SMAP1: variants seen among roughly 807,000 people sequenced by gnomAD.
SMAP1 encodes stromal membrane-associated protein 1.
In SMAP1, 24 loss-of-function variants were observed where a neutral mutation model predicts 58.5. The ratio of observed to expected loss-of-function variants is 0.41; its 90% CI spans 0.30 to 0.58. The LOEUF (loss-of-function observed/expected upper bound fraction) is 0.58, where lower values mean the gene tolerates loss of function less well. Among genes scored for constraint, SMAP1 ranks in the 20% least tolerant of loss-of-function variants. The pLI is 0.29. For synonymous variants in SMAP1, 216 were observed against 196.6 expected (o/e 1.10, Z -0.82); for missense variants, 563 against 566.3 (o/e 0.99, Z 0.06).
intron 3 of SMAP1, among the ~76,000 whole-genome samples, chr6:70,765,880 A>T (rs1257307748): frequency 5.3e-5 from 8 of 151,098 alleles, no homozygotes; most frequent in African/African-American, 1.5e-4. Flanking sequence ...TATCTCCTAA[A>T]GCTATCCCTC....
chr6:70,798,562 C>T, intron 5 of SMAP1, 95 bp from the exon 6 acceptor site: 3 of 893,794 alleles, frequency 3.4e-6, no homozygotes, highest in Non-Finnish European at 5.0e-6. Context: ...AATATTTCTA[C>T]CTTTTTCAGA....
chr6:70,793,792 G>A (rs1263008234), intron 5 of SMAP1, among the ~76,000 whole-genome samples: 3 of 151,928 alleles, frequency 2.0e-5, no homozygotes, highest in African/African-American at 7.3e-5. Context: ...CGCGATCTCG[G>A]CTTATTGCAA....
chr6:70,739,976 T>G (rs1281106514), intron 2 of SMAP1, among the ~76,000 whole-genome samples: 1 of 152,160 alleles, frequency 6.6e-6, no homozygotes, highest in African/African-American at 2.4e-5. Flanking sequence ...TCCATGTCTT[T>G]AATTTTATAT....
At chr6:70,814,569 T>TTA (rs1457845846) in intron 6 of SMAP1, among the ~76,000 whole-genome samples, 2 of 152,138 alleles carry the variant, frequency 1.3e-5, no homozygotes, top group Admixed American at 1.3e-4. Flanking sequence ...GTGCTGTGTT[T>TTA]TACATCCTAT....
Position 70,861,793 on chromosome 6 carries a change from G to A in SMAP1, c.*1459G>A. On this transcript the variant is annotated 3_prime_UTR_variant, in exon 11 of 11. Coordinates refer to ENST00000370455, the MANE Select transcript of SMAP1 (RefSeq NM_001044305.3). ...GCTTGGGTAGCGCACTCTTCATGGTGACACTCGAGGTCGGGCAGCACAAGT... is the reference window on the plus strand; with the variant it reads ...GCTTGGGTAGCGCACTCTTCATGGTAACACTCGAGGTCGGGCAGCACAAGT... 2 of 1,613,978 alleles carry A rather than the reference G, an allele frequency of 1.2e-6. No individual in the cohort carries two copies. The highest frequency in any genetic ancestry group is 1.7e-6 in the Non-Finnish European group (2 of 1,179,920).
intron 4 of SMAP1, among the ~76,000 whole-genome samples, chr6:70,774,724 A>T (rs1767475078): frequency 6.6e-6 from 1 of 151,642 alleles, no homozygotes; most frequent in African/African-American, 2.4e-5. Flanking sequence ...TCTTTTTATT[A>T]AAAAAAATTT....
chr6:70,723,033 C>T (rs953078293), intron 1 of SMAP1, among the ~76,000 whole-genome samples: 4 of 152,188 alleles, frequency 2.6e-5, no homozygotes, highest in South Asian at 2.1e-4. Flanking sequence ...GGGCAGCAAC[C>T]GCTTAAAAAC....
chr6:70,718,472 A>C (rs1176177946), intron 1 of SMAP1, among the ~76,000 whole-genome samples: 3 of 152,184 alleles, frequency 2.0e-5, no homozygotes, highest in Non-Finnish European at 4.4e-5. Context: ...CTGAAAGGAA[A>C]AATGAATTCC....
chr6:70,779,649 A>G (rs1051638873), intron 4 of SMAP1, among the ~76,000 whole-genome samples: 8 of 151,990 alleles, frequency 5.3e-5, no homozygotes, highest in Non-Finnish European at 8.8e-5. Context: ...TGATGCTGCC[A>G]TTTCGAGTTT....
intron 6 of SMAP1, among the ~76,000 whole-genome samples, chr6:70,830,974 G>A (rs1428753355): frequency 6.6e-6 from 1 of 152,176 alleles, no homozygotes; most frequent in African/African-American, 2.4e-5. Context: ...TACAGATACT[G>A]TAATGAGGGA....
chr6:70,748,502 A>T (rs1001945746), intron 2 of SMAP1, among the ~76,000 whole-genome samples: 4 of 152,118 alleles, frequency 2.6e-5, no homozygotes, highest in Admixed American at 2.0e-4. Flanking sequence ...CTTTGAATGT[A>T]TTTTGAGTGT....
Position 70,860,679 on chromosome 6 carries a change from C to T in SMAP1, c.*345C>T, listed in dbSNP as rs1046101851. ...GAAGTAGTTATCATGTTAGTAATAC[C>T]TCTAATAGTATAAACCCCACCCCAA... On this transcript the variant is annotated 3_prime_UTR_variant, in exon 11 of 11. Coordinates refer to ENST00000370455, the MANE Select transcript of SMAP1 (RefSeq NM_001044305.3). 26 of 410,348 alleles carry T rather than the reference C, an allele frequency of 6.3e-5. No individual in the cohort carries two copies. Among genetic ancestry groups the T allele is most frequent in the Non-Finnish European group, 1.0e-4 (24 of 232,766 alleles). The allele number at this position is 410,348 out of a possible 1,614,324, so 25.4% of individuals were successfully genotyped here. A position where few individuals can be genotyped will look rare whatever the true frequency, so the allele number is the denominator to read the frequency against.
chr6:70,787,555 C>CA, intron 4 of SMAP1, among the ~76,000 whole-genome samples: 1 of 152,076 alleles, frequency 6.6e-6, no homozygotes, highest in Non-Finnish European at 1.5e-5. Context: ...ACTCATCTGA[C>CA]AAAGGGCTAA....
At chr6:70,771,979 C>T (rs1336779873) in intron 3 of SMAP1, among the ~76,000 whole-genome samples, 1 of 152,196 alleles carries the variant, frequency 6.6e-6, no homozygotes, top group Non-Finnish European at 1.5e-5. Context: ...CTGCCCAGGG[C>T]ACAAGGTGGG....
chr6:70,803,811 T>G (rs1358612203), intron 6 of SMAP1, among the ~76,000 whole-genome samples: 1 of 152,254 alleles, frequency 6.6e-6, no homozygotes, highest in Non-Finnish European at 1.5e-5. Context: ...TTGAATGAGT[T>G]TCTTAATCCT....
chr6:70,835,545 GC>G lies in SMAP1; in HGVS notation c.577-1393del, dbSNP rs546656878. Reference sequence around the variant, plus strand: ...TTAAGAGATGGGGTCTTACTCTGTTGCCCAGGCTGGAACTGCGGTAGTGCAA... The same window carrying G: ...TTAAGAGATGGGGTCTTACTCTGTTGCCAGGCTGGAACTGCGGTAGTGCAA... On this transcript the variant is annotated intron_variant, in intron 6 of 10. Transcript: ENST00000370455. Among the ~76,000 whole-genome samples, 7 of 152,190 alleles carry G rather than the reference GC, an allele frequency of 4.6e-5. No individual in the cohort carries two copies. In the South Asian group the frequency reaches 1.5e-3, roughly 32 times the overall value.
Position 70,843,052 on chromosome 6 carries a change from C to T in SMAP1, c.664+6024C>T, listed in dbSNP as rs1397836536. ...GGAGGTAGGCTGTGCCAGCAAGAAGCGCCCAGATGGGGCTTTGGCAGTCTG... is the reference window on the plus strand; with the variant it reads ...GGAGGTAGGCTGTGCCAGCAAGAAGTGCCCAGATGGGGCTTTGGCAGTCTG... On this transcript the variant is annotated intron_variant, in intron 7 of 10. Coordinates refer to ENST00000370455, the MANE Select transcript of SMAP1 (RefSeq NM_001044305.3). 2.6e-5 allele frequency among the ~76,000 whole-genome samples: 4 copies of T among 152,172 alleles called. No individual in the cohort carries two copies. The East Asian group carries it at 5.8e-4, about 22-fold the overall frequency.
In SMAP1 at chr6:70,807,253, G is replaced by C. The variant is rs965805597; in HGVS notation, c.576+8516G>C. On this transcript the variant is annotated intron_variant, in intron 6 of 10. Transcript: ENST00000370455. ...TCTCATTGAGGTTTACATTTTTGTAGTGTTCCAGAAACTATTACTAATTGT... is the reference window on the plus strand; with the variant it reads ...TCTCATTGAGGTTTACATTTTTGTACTGTTCCAGAAACTATTACTAATTGT... Among the ~76,000 whole-genome samples, 3 of 152,126 alleles carry C rather than the reference G, an allele frequency of 2.0e-5. No individual in the cohort carries two copies. In the East Asian group the frequency reaches 5.8e-4, roughly 29 times the overall value.
intron 6 of SMAP1, among the ~76,000 whole-genome samples, chr6:70,828,470 ATT>A (rs967699484): frequency 3.3e-5 from 5 of 152,204 alleles, no homozygotes; most frequent in African/African-American, 1.2e-4. Flanking sequence ...TTCCTAAAGT[ATT>A]GCTCTGACCA....
Sources: gnomAD v4.1 joint callset for allele counts (sites outside exome capture counted in the v4.1 genomes callset) on GRCh38, gnomAD v4.1.1 for gene constraint, MANE v1.5 for transcripts, NCBI Gene and HGNC (gene_info 2026-07-23, HGNC 2026-07-21) for gene names.